NOX3: variants seen among roughly 807,000 people sequenced by gnomAD.
NOX3 encodes NADPH oxidase 3.
NOX3 carries 74 observed loss-of-function variants against 76.7 expected under a neutral mutation model. The observed-to-expected ratio is 0.96, with a 90% CI of 0.80 to 1.17. The LOEUF is 1.17. Among genes scored for constraint, NOX3 ranks in the 50% most tolerant of loss-of-function variants. NOX3 has a pLI of 0.00. For missense variants in NOX3, 695 were observed against 703.3 expected (o/e 0.99, Z 0.13); for synonymous variants, 263 against 261.1 (o/e 1.01, Z -0.07).
At chr6:155,441,301 A>ATTGT (rs3060995) in intron 5 of NOX3, among the ~76,000 whole-genome samples, 92,551 of 151,714 alleles carry the variant, frequency 0.61, 30,763 homozygotes, top group East Asian at 0.88. Flanking sequence ...GGACTTCTTC[A>ATTGT]TTATTTTTTC....
chr6:155,445,997 AAT>A (rs1554264833), intron 4 of NOX3, among the ~76,000 whole-genome samples: 1 of 65,554 alleles, frequency 1.5e-5, no homozygotes, highest in Non-Finnish European at 4.0e-5. Context: ...ATATATATAT[AAT>A]ATATATATAT....
chr6:155,449,800 A>G (rs999838608), intron 4 of NOX3, among the ~76,000 whole-genome samples: 5 of 152,178 alleles, frequency 3.3e-5, no homozygotes, highest in Non-Finnish European at 7.3e-5. Context: ...ACCTCTATTA[A>G]GCCAGCAGGC....
At chr6:155,453,549 A>C in intron 3 of NOX3, 61 bp from the exon 4 acceptor site, 1 of 1,306,182 alleles carries the variant, frequency 7.7e-7, no homozygotes, top group Non-Finnish European at 1.1e-6. Context: ...CAATCTCATG[A>C]AAGTTAAGAG....
At chr6:155,441,873 T>C (rs916875517) in intron 5 of NOX3, among the ~76,000 whole-genome samples, 1 of 152,190 alleles carries the variant, frequency 6.6e-6, no homozygotes, top group Non-Finnish European at 1.5e-5. Flanking sequence ...AATGCTGTGA[T>C]TCAATGGACG....
At position 155,455,739 on chromosome 6, in the gene NOX3, A is replaced by G; in HGVS notation, c.48+14T>C. ...TCTATATATTTAAAGTTGAATAACA[A>G]AAATGATACTTACTACTAATATGGT... On this transcript the variant is annotated intron_variant, in intron 1 of 13. Transcript: ENST00000159060. 6.2e-7 allele frequency: 1 copy of G among 1,605,102 alleles called. No homozygotes were observed. Among genetic ancestry groups the G allele is most frequent in the Non-Finnish European group, 8.5e-7 (1 of 1,171,994 alleles).
intron 9 of NOX3, among the ~76,000 whole-genome samples, chr6:155,427,428 T>A (rs1776771924): frequency 6.6e-6 from 1 of 152,238 alleles, no homozygotes; most frequent in South Asian, 2.1e-4. Context: ...CTAAATGAGA[T>A]AAAGAATCCA....
At chr6:155,447,236 C>T (rs1370669745) in intron 4 of NOX3, among the ~76,000 whole-genome samples, 2 of 152,012 alleles carry the variant, frequency 1.3e-5, no homozygotes, top group Non-Finnish European at 2.9e-5. Context: ...GGGGTTTCAT[C>T]ATGCTGCCCA....
chr6:155,396,756 C>T (rs1582921846), intron 13 of NOX3, 53 bp downstream of exon 13: 3 of 1,447,016 alleles, frequency 2.1e-6, no homozygotes, highest in Admixed American at 4.2e-5. Context: ...ACTGTTTGGC[C>T]CCTTATGGGA....
rs1188585337 is a variant in NOX3, at chr6:155,451,410, T to G, written c.340+1994A>C. Reference sequence around the variant, plus strand: ...TTAGTCAACAGCTGCTTATACTAAATTATACTCCATCCTAAAACAGCCCTG... The same window carrying G: ...TTAGTCAACAGCTGCTTATACTAAAGTATACTCCATCCTAAAACAGCCCTG... On this transcript the variant is annotated intron_variant, in intron 4 of 13. Coordinates refer to ENST00000159060, the MANE Select transcript of NOX3 (RefSeq NM_015718.3). Among the ~76,000 whole-genome samples the G allele has an allele frequency of 2.0e-5, 3 of 152,302 alleles. No individual in the cohort carries two copies. In the East Asian group the frequency reaches 5.8e-4, roughly 29 times the overall value.
chr6:155,411,064 T>A, intron 11 of NOX3, 150 bp downstream of exon 11: 2 of 569,138 alleles, frequency 3.5e-6, no homozygotes, highest in Non-Finnish European at 5.5e-6. Context: ...CTTGCTAATC[T>A]GGTTTTATTT....
chr6:155,440,502 A>C (rs1044936349), intron 5 of NOX3, among the ~76,000 whole-genome samples: 4 of 152,024 alleles, frequency 2.6e-5, no homozygotes, highest in Non-Finnish European at 5.9e-5. Context: ...AAAGCTGGGC[A>C]TGGTGGTTTG....
chr6:155,431,219 A>C (rs189691625), intron 7 of NOX3, among the ~76,000 whole-genome samples: 3 of 152,332 alleles, frequency 2.0e-5, no homozygotes, highest in Non-Finnish European at 4.4e-5. Context: ...TTGAATTTGC[A>C]AAGAAATAAA....
intron 5 of NOX3, 87 bp from the exon 6 acceptor site, chr6:155,440,224 T>G (rs1776965341): frequency 9.5e-7 from 1 of 1,050,774 alleles, no homozygotes; most frequent in Non-Finnish European, 1.3e-6. Flanking sequence ...TTTTTTTCAT[T>G]TTTAGGACCA....
intron 7 of NOX3, among the ~76,000 whole-genome samples, chr6:155,433,381 G>T (rs1349929233): frequency 1.3e-5 from 2 of 152,156 alleles, no homozygotes; most frequent in Non-Finnish European, 2.9e-5. Flanking sequence ...ATCAAGACAA[G>T]GAGGCCTTGA....
rs1886575 is a variant in NOX3, at chr6:155,397,432, T to C, written c.1581-470A>G. ...TTTTTGGCCAGGTGACCTTGATTCA[T>C]GTCTTCTTGGATACGTGACCAGATG... On this transcript the variant is annotated intron_variant, in intron 12 of 13. Transcript: ENST00000159060. 0.012 allele frequency among the ~76,000 whole-genome samples: 1,776 copies of C among 152,310 alleles called. 75 individuals are homozygous for C. In the East Asian group the frequency reaches 0.14, roughly 12 times the overall value.
intron 4 of NOX3, among the ~76,000 whole-genome samples, chr6:155,449,072 G>A (rs1246893537): frequency 6.6e-6 from 1 of 152,188 alleles, no homozygotes; most frequent in Non-Finnish European, 1.5e-5. Context: ...GAACTGGTTA[G>A]GAGCAATCCT....
At position 155,426,984 on chromosome 6, in the gene NOX3, C is replaced by CGTGTGT. The variant is rs764029957; in HGVS notation, c.1145+1804_1145+1809dup. Among the ~76,000 whole-genome samples the CGTGTGT allele has an allele frequency of 2.0e-3, 82 of 41,916 alleles. 3 individuals are homozygous for CGTGTGT. In the East Asian group the frequency reaches 0.026, roughly 13 times the overall value. 27.5% of individuals were successfully genotyped at this position (41,916 alleles called of 152,430 possible). The stretch of plus-strand genomic sequence containing the variant: ...CCGAGAAAGCAGTTAGACACTGTGG[C>CGTGTGT]GTGTGTGTGTGTGTGTGTGTGTGTG... On this transcript the variant is annotated intron_variant, in intron 9 of 13. Transcript: ENST00000159060.
chr6:155,419,461 C>G (rs1282797983), intron 10 of NOX3, among the ~76,000 whole-genome samples: 2 of 152,170 alleles, frequency 1.3e-5, no homozygotes, highest in Non-Finnish European at 2.9e-5. Context: ...CTATGCAAAG[C>G]TAGGAGATTA....
At chr6:155,436,212 A>G (rs1284718565) in intron 7 of NOX3, among the ~76,000 whole-genome samples, 1 of 152,222 alleles carries the variant, frequency 6.6e-6, no homozygotes, top group Non-Finnish European at 1.5e-5. Context: ...GGTAAGTAGA[A>G]GAATACATTT....
Sources: gnomAD v4.1 joint callset for allele counts (sites outside exome capture counted in the v4.1 genomes callset) on GRCh38, gnomAD v4.1.1 for gene constraint, MANE v1.5 for transcripts, NCBI Gene and HGNC (gene_info 2026-07-23, HGNC 2026-07-21) for gene names.